Variants in INTS4 observed in about 807,000 individuals in gnomAD.
INTS4 encodes integrator complex subunit 4.
A neutral mutation model predicts 119.5 loss-of-function variants in INTS4; 70 were observed. The observed-to-expected ratio is 0.59, with a 90% CI of 0.48 to 0.71. INTS4 has a LOEUF of 0.71. Among genes scored for constraint, INTS4 ranks in the 30% least tolerant of loss-of-function variants. The probability of loss-of-function intolerance (pLI) is 0.00; values close to 1 mark genes in which losing one functional copy is unlikely to be tolerated. For synonymous variants in INTS4, 316 were observed against 419.6 expected (o/e 0.75, Z 3.02); for missense variants, 867 against 1,173.2 (o/e 0.74, Z 3.81).
chr11:77,972,171 C>T (rs1002287796), intron 4 of INTS4, among the ~76,000 whole-genome samples: 4 of 152,188 alleles, frequency 2.6e-5, no homozygotes, highest in African/African-American at 7.2e-5. Flanking sequence ...AGTCTCGGCT[C>T]ACTGGCAGCC....
At chr11:77,963,369 A>AAAAC in intron 4 of INTS4, 1 of 322,922 alleles carries the variant, frequency 3.1e-6, no homozygotes, top group South Asian at 1.9e-5. Context: ...AAAAAAAAAA[A>AAAAC]AAAAACAAAA....
At chr11:77,923,369 C>T (rs1280313536) in intron 12 of INTS4, among the ~76,000 whole-genome samples, 1 of 151,062 alleles carries the variant, frequency 6.6e-6, no homozygotes, top group Non-Finnish European at 1.5e-5. Flanking sequence ...CAAAGAGAGC[C>T]CTGGTAACCT....
chr11:77,959,660 T>C (rs929813071), intron 6 of INTS4, among the ~76,000 whole-genome samples: 1 of 152,140 alleles, frequency 6.6e-6, no homozygotes, highest in Non-Finnish European at 1.5e-5. Flanking sequence ...TCTGGACCCA[T>C]TCTACTTCAT....
At chr11:77,910,724 T>C (rs187859543) in intron 15 of INTS4, among the ~76,000 whole-genome samples, 224 of 152,246 alleles carry the variant, frequency 1.5e-3, no homozygotes, top group African/African-American at 5.1e-3. Flanking sequence ...GCCTGTGCCC[T>C]GTAGCCCTGC....
chr11:77,939,878 CA>C (rs1207979192), intron 9 of INTS4, among the ~76,000 whole-genome samples: 3 of 151,490 alleles, frequency 2.0e-5, no homozygotes, highest in African/African-American at 7.3e-5. Context: ...AACAAACAAA[CA>C]AAAAAACCAT....
At chr11:77,959,157 C>T (rs1901176) in intron 6 of INTS4, among the ~76,000 whole-genome samples, 1 of 152,194 alleles carries the variant, frequency 6.6e-6, no homozygotes, top group African/African-American at 2.4e-5. Flanking sequence ...CCAATTATGG[C>T]TTTTTCCTCC....
intron 2 of INTS4, among the ~76,000 whole-genome samples, chr11:77,989,286 G>A (rs1240376003): frequency 1.3e-5 from 2 of 151,836 alleles, no homozygotes; most frequent in African/African-American, 2.4e-5. Flanking sequence ...TCTGGAATTC[G>A]AGACTAGCCT....
intron 5 of INTS4, 147 bp downstream of exon 5, chr11:77,960,806 G>A: frequency 1.5e-6 from 1 of 651,188 alleles, no homozygotes. Context: ...ACAGGAATGT[G>A]TGTCACTGAG....
intron 7 of INTS4, among the ~76,000 whole-genome samples, chr11:77,956,694 G>A (rs575457663): frequency 4.8e-5 from 7 of 144,574 alleles, no homozygotes; most frequent in Non-Finnish European, 1.1e-4. Context: ...GCAACAGAGC[G>A]AGACTCCATC....
chr11:77,993,942 G>T (rs911511544), intron 1 of INTS4, among the ~76,000 whole-genome samples: 1 of 151,802 alleles, frequency 6.6e-6, no homozygotes, highest in African/African-American at 2.4e-5. Context: ...CAACATCTAC[G>T]TGGAGACACA....
intron 8 of INTS4, among the ~76,000 whole-genome samples, chr11:77,945,360 C>T (rs575820639): frequency 1.3e-5 from 2 of 152,142 alleles, no homozygotes; most frequent in African/African-American, 4.8e-5. Context: ...TCCTAAGCTG[C>T]TGTAGCATGG....
At chr11:77,885,511 A>AT (rs910449229) in intron 21 of INTS4, among the ~76,000 whole-genome samples, 13 of 150,780 alleles carry the variant, frequency 8.6e-5, no homozygotes, top group Middle Eastern at 3.4e-3. Flanking sequence ...CTTGGGCTTC[A>AT]TTTTTTTTTA....
intron 9 of INTS4, among the ~76,000 whole-genome samples, chr11:77,940,474 T>C (rs1274147480): frequency 6.6e-6 from 1 of 152,056 alleles, no homozygotes; most frequent in Non-Finnish European, 1.5e-5. Flanking sequence ...GGGTATTTTG[T>C]TACTGTTTGG....
rs185492527 is a variant in INTS4, at chr11:77,947,793, T to A, written c.919-6542A>T. ...AGGGAAAAAATCTAGGGTCCTTTTA[T>A]GTAACCAAAGTTGAGTTGCTATCAG... On this transcript the variant is annotated intron_variant, in intron 8 of 22. Coordinates refer to ENST00000534064, the MANE Select transcript of INTS4 (RefSeq NM_033547.4). 6.6e-5 allele frequency among the ~76,000 whole-genome samples: 10 copies of A among 152,336 alleles called. 1 individual carries two copies. In the East Asian group the frequency reaches 1.9e-3, roughly 29 times the overall value.
At chr11:77,985,438 C>A (rs749194558) in intron 2 of INTS4, among the ~76,000 whole-genome samples, 2 of 152,146 alleles carry the variant, frequency 1.3e-5, no homozygotes, top group Non-Finnish European at 2.9e-5. Flanking sequence ...AATGTCTTTC[C>A]CCCTGTCTTC....
chr11:77,963,750 C>G (rs1426095567), intron 4 of INTS4, among the ~76,000 whole-genome samples: 2 of 151,962 alleles, frequency 1.3e-5, no homozygotes, highest in African/African-American at 2.4e-5. Flanking sequence ...GTGTTGCAAT[C>G]AGCATTCACT....
intron 8 of INTS4, among the ~76,000 whole-genome samples, chr11:77,946,011 C>T (rs921540606): frequency 5.3e-5 from 8 of 152,246 alleles, no homozygotes; most frequent in Non-Finnish European, 8.8e-5. Context: ...AGCAGGCCAC[C>T]GCGGCAAAGG....
intron 15 of INTS4, 115 bp downstream of exon 15, chr11:77,918,706 G>A (rs1953266735): frequency 1.4e-6 from 2 of 1,426,724 alleles, no homozygotes; most frequent in Admixed American, 2.4e-5. Context: ...AACCGTGTGT[G>A]AATGTAGACC....
intron 2 of INTS4, chr11:77,987,829 C>T (rs184205505): frequency 2.3e-4 from 72 of 317,350 alleles, no homozygotes; most frequent in Non-Finnish European, 2.9e-4. Context: ...GCAGTGATCA[C>T]GCCATTGCAC....
Sources: allele counts gnomAD v4.1 joint callset (sites outside exome capture counted in the v4.1 genomes callset), GRCh38; gene constraint gnomAD v4.1.1; transcripts MANE v1.5; gene names NCBI Gene and HGNC (gene_info 2026-07-23, HGNC 2026-07-21).